The following SNX29 variants were observed in gnomAD, a reference collection of about 807,000 sequenced individuals.
The protein encoded by SNX29 is sorting nexin 29.
In SNX29, 78 loss-of-function variants were observed where a neutral mutation model predicts 102.1. The observed-to-expected ratio is 0.76, with a 90% CI of 0.64 to 0.92. The LOEUF is 0.92. Among genes scored for constraint, SNX29 ranks in the 40% least tolerant of loss-of-function variants. SNX29 has a pLI of 0.00. For synonymous variants in SNX29, 580 were observed against 414.5 expected, an observed-to-expected ratio of 1.40 and a Z score of -4.85; for missense variants, 1,280 against 1,061.7, an observed-to-expected ratio of 1.21 and a Z score of -2.86.
rs186926847 is a variant in SNX29, at chr16:12,541,665, G to T, written c.2318+16824G>T. 1.0e-3 allele frequency among the ~76,000 whole-genome samples: 158 copies of T among 152,222 alleles called. 1 individual carries two copies. Among genetic ancestry groups the T allele is most frequent in the South Asian group, 2.1e-3 (10 of 4,820 alleles). On this transcript the variant is annotated intron_variant, in intron 20 of 20. Coordinates refer to ENST00000566228, the MANE Select transcript of SNX29 (RefSeq NM_032167.5). ...CGTTCAGCCAGCTCCTAATGCAGCC[G>T]TGCTGACACCCGTTTACCACTACCC...
chr16:12,556,155 C>T (rs571317219), intron 20 of SNX29, among the ~76,000 whole-genome samples: 80 of 152,230 alleles, frequency 5.3e-4, no homozygotes, highest in African/African-American at 1.6e-3. Flanking sequence ...GTGGTTAAAT[C>T]GCTTTGTCGC....
intron 13 of SNX29, among the ~76,000 whole-genome samples, chr16:12,177,177 G>A (rs1288284654): frequency 6.6e-6 from 1 of 152,080 alleles, no homozygotes; most frequent in African/African-American, 2.4e-5. Context: ...TGAACTCCAA[G>A]AGATCCTCAA....
At position 12,466,538 on chromosome 16, in the gene SNX29, C is replaced by T. The variant is rs187491543; in HGVS notation, c.2038-11181C>T. ...CCTGCCGTCAGATGTGGCACCCCCC[C>T]TTCCAGAGTCGCGGCCTGTCTTCAG... is the stretch of plus-strand genomic sequence containing the variant. On this transcript the variant is annotated intron_variant, in intron 18 of 20. Coordinates refer to ENST00000566228, the MANE Select transcript of SNX29 (RefSeq NM_032167.5). Among the ~76,000 whole-genome samples, 248 of 152,362 alleles carry T rather than the reference C, an allele frequency of 1.6e-3. 3 individuals carry two copies. In the East Asian group the frequency reaches 0.04, roughly 25 times the overall value.
chr16:12,418,753 G>T (rs950038399), intron 18 of SNX29, among the ~76,000 whole-genome samples: 5 of 152,158 alleles, frequency 3.3e-5, no homozygotes, highest in African/African-American at 1.2e-4. Context: ...AACCTCAAGT[G>T]ATCCACCCAC....
At chr16:12,256,726 G>A (rs2142438479) in intron 14 of SNX29, among the ~76,000 whole-genome samples, 1 of 152,308 alleles carries the variant, frequency 6.6e-6, no homozygotes, top group Admixed American at 6.5e-5. Context: ...GACTTAAAAT[G>A]GGGAACAAGA....
intron 20 of SNX29, among the ~76,000 whole-genome samples, chr16:12,539,577 G>C (rs1486469610): frequency 6.6e-6 from 1 of 152,198 alleles, no homozygotes; most frequent in African/African-American, 2.4e-5. Flanking sequence ...GTGAACAAAA[G>C]TTTTCATTTC....
intron 16 of SNX29, among the ~76,000 whole-genome samples, chr16:12,379,157 A>T (rs1186103046): frequency 2.0e-5 from 3 of 152,072 alleles, no homozygotes; most frequent in African/African-American, 7.2e-5. Context: ...GAACTTATTT[A>T]TTTTTGAGAC....
chr16:12,264,984 C>T (rs2078884088), intron 14 of SNX29, among the ~76,000 whole-genome samples: 2 of 152,160 alleles, frequency 1.3e-5, no homozygotes, highest in South Asian at 2.1e-4. Context: ...AACCCAGATA[C>T]ATCTGCTGTT....
chr16:12,551,691 C>CTCCT (rs1567180137), intron 20 of SNX29, among the ~76,000 whole-genome samples: 1 of 152,210 alleles, frequency 6.6e-6, no homozygotes, highest in East Asian at 1.9e-4. Flanking sequence ...AAGTACCACC[C>CTCCT]TCCTTTCAGG....
chr16:12,172,600 T>C (rs2076173839), intron 13 of SNX29, among the ~76,000 whole-genome samples: 1 of 152,188 alleles, frequency 6.6e-6, no homozygotes, highest in Admixed American at 6.5e-5. Context: ...TTCAGCAATG[T>C]TGAAGGATTA....
intron 15 of SNX29, among the ~76,000 whole-genome samples, chr16:12,294,862 G>T (rs1160688267): frequency 6.6e-6 from 1 of 151,922 alleles, no homozygotes. Context: ...TCACGCTGCT[G>T]ATAAAGACAT....
chr16:12,563,874 T>C (rs745654261), intron 20 of SNX29, among the ~76,000 whole-genome samples: 2 of 152,228 alleles, frequency 1.3e-5, no homozygotes, highest in African/African-American at 4.8e-5. Context: ...TCCCCATCTC[T>C]AGCCCCTTGG....
At chr16:12,550,242 A>C (rs986389582) in intron 20 of SNX29, among the ~76,000 whole-genome samples, 1 of 152,210 alleles carries the variant, frequency 6.6e-6, no homozygotes, top group African/African-American at 2.4e-5. Flanking sequence ...TAATTTTAGA[A>C]ATAGCAAATA....
At chr16:12,073,178 C>A (rs1334562390) in intron 10 of SNX29, among the ~76,000 whole-genome samples, 1 of 151,970 alleles carries the variant, frequency 6.6e-6, no homozygotes, top group Non-Finnish European at 1.5e-5. Context: ...TTCAGTTCTG[C>A]TCTGATTTTA....
chr16:12,127,623 G>C (rs895960369), intron 12 of SNX29, among the ~76,000 whole-genome samples: 23 of 152,044 alleles, frequency 1.5e-4, no homozygotes, highest in South Asian at 2.1e-4. Flanking sequence ...GGTTTTGACA[G>C]GTTGCCTAGG....
intron 15 of SNX29, among the ~76,000 whole-genome samples, chr16:12,318,626 C>T (rs2080831642): frequency 6.6e-6 from 1 of 152,098 alleles, no homozygotes; most frequent in African/African-American, 2.4e-5. Flanking sequence ...TAATCCTGTT[C>T]CTGGACCAAA....
intron 15 of SNX29, among the ~76,000 whole-genome samples, chr16:12,298,995 T>TC (rs1567411972): frequency 1.7e-5 from 2 of 119,094 alleles, no homozygotes; most frequent in East Asian, 2.9e-4. Flanking sequence ...CAATGAGTCT[T>TC]TAAAAAAAAA....
In SNX29 at chr16:12,322,824, T is replaced by TGACCACTGTCAGGATGCGGTCACTAGGG. The variant is rs1567437147; in HGVS notation, c.1783-33314_1783-33287dup. ...AGGATATGGTCACTGGAATCACTGATGACCACTGTCAGGATGCGGTCACTA... is the reference window on the plus strand; with the variant it reads ...AGGATATGGTCACTGGAATCACTGATGACCACTGTCAGGATGCGGTCACTAGGGGACCACTGTCAGGATGCGGTCACTA... On this transcript the variant is annotated intron_variant, in intron 15 of 20. Transcript: ENST00000566228. 3.9e-4 allele frequency among the ~76,000 whole-genome samples: 51 copies of TGACCACTGTCAGGATGCGGTCACTAGGG among 129,682 alleles called. 1 individual carries two copies. The highest frequency in any genetic ancestry group is 1.1e-3 in the African/African-American group (40 of 34,930). 85.1% of individuals were successfully genotyped at this position (129,682 alleles called of 152,430 possible). A position where few individuals can be genotyped will look rare whatever the true frequency, so the allele number is the denominator to read the frequency against.
intron 18 of SNX29, among the ~76,000 whole-genome samples, chr16:12,465,905 A>G (rs190951700): frequency 3.9e-4 from 59 of 150,982 alleles, no homozygotes; most frequent in African/African-American, 1.4e-3. Context: ...TCACTTCCTT[A>G]GTTAAGTTTA....
Sources: allele counts gnomAD v4.1 joint callset (sites outside exome capture counted in the v4.1 genomes callset), GRCh38; gene constraint gnomAD v4.1.1; transcripts MANE v1.5; gene names NCBI Gene and HGNC (gene_info 2026-07-23, HGNC 2026-07-21).